The following TFEB variants were observed in gnomAD, a reference collection of about 807,000 sequenced individuals.
TFEB encodes T-cell transcription factor EB.
In TFEB, 12 loss-of-function variants were observed where a neutral mutation model predicts 48.0. The ratio of observed to expected loss-of-function variants is 0.25; its 90% CI spans 0.16 to 0.40. The LOEUF (loss-of-function observed/expected upper bound fraction) is 0.40, where lower values mean the gene tolerates loss of function less well. Ranked by LOEUF, TFEB falls within the 10% of genes least tolerant of loss-of-function variation. The pLI, the probability that TFEB is intolerant of heterozygous loss-of-function variation, is 1.00. For synonymous variants in TFEB, 244 were observed against 261.4 expected (o/e 0.93, Z 0.64); for missense variants, 509 against 640.3 (o/e 0.79, Z 2.21).
At chr6:41,729,799 C>T (rs531651166) in intron 1 of TFEB, among the ~76,000 whole-genome samples, 14 of 152,306 alleles carry the variant, frequency 9.2e-5, no homozygotes, top group African/African-American at 3.1e-4. Flanking sequence ...TGGTCCATGC[C>T]CCTGGCGACC....
chr6:41,716,823 C>T (rs1770755550), intron 1 of TFEB, among the ~76,000 whole-genome samples: 1 of 152,230 alleles, frequency 6.6e-6, no homozygotes, highest in Non-Finnish European at 1.5e-5. Flanking sequence ...ACCACCTCCT[C>T]CCACCTCACA....
intron 1 of TFEB, among the ~76,000 whole-genome samples, chr6:41,717,767 G>A (rs1336082085): frequency 1.3e-5 from 2 of 152,222 alleles, no homozygotes; most frequent in Non-Finnish European, 2.9e-5. Flanking sequence ...AGAAGGAAGA[G>A]GAAGAGGTAT....
intron 1 of TFEB, among the ~76,000 whole-genome samples, chr6:41,695,413 T>C (rs1769525440): frequency 6.6e-6 from 1 of 152,242 alleles, no homozygotes; most frequent in African/African-American, 2.4e-5. Flanking sequence ...TCGTGAATGA[T>C]TGCCATGGGT....
chr6:41,702,706 G>C (rs1410891502), intron 1 of TFEB, among the ~76,000 whole-genome samples: 3 of 152,174 alleles, frequency 2.0e-5, no homozygotes, highest in African/African-American at 7.2e-5. Context: ...TGGACTTGGG[G>C]CCCACAAGCT....
In TFEB at chr6:41,684,983, C is replaced by T; in HGVS notation, c.1047G>A (p.Glu349=). 6.4e-7 allele frequency: 1 copy of T among 1,572,116 alleles called. No homozygotes were observed. Among genetic ancestry groups the T allele is most frequent in the Non-Finnish European group, 8.6e-7 (1 of 1,159,062 alleles). ...CCCCTGGGCCCTCTTCGCTAGGCAG[C>T]TCCTGCTTCACCACCTGCTGGGCCA... ...AELAQQVVKQ[E]LPSEEGPGEA... is the part of the protein sequence containing the mutation. Residue 349 remains glutamate, a synonymous_variant, in exon 9 of 9, where the codon GAG becomes GAA. Transcript: ENST00000373033.
chr6:41,726,529 C>T (rs548269163), intron 1 of TFEB, among the ~76,000 whole-genome samples: 2 of 152,118 alleles, frequency 1.3e-5, no homozygotes, highest in Admixed American at 1.3e-4. Flanking sequence ...CTGCAACCTC[C>T]ACCTCCCAGG....
chr6:41,696,139 T>C (rs1351141436), intron 1 of TFEB, among the ~76,000 whole-genome samples: 1 of 152,182 alleles, frequency 6.6e-6, no homozygotes, highest in Non-Finnish European at 1.5e-5. Flanking sequence ...TGCAGTGCCC[T>C]CAAACTATTG....
intron 1 of TFEB, among the ~76,000 whole-genome samples, chr6:41,708,917 A>G (rs1770357916): frequency 6.6e-6 from 1 of 152,214 alleles, no homozygotes; most frequent in Admixed American, 6.5e-5. Context: ...GCGGAAGGTT[A>G]AGACTGCCCT....
intron 1 of TFEB, among the ~76,000 whole-genome samples, chr6:41,699,031 G>A (rs1442422010): frequency 6.6e-6 from 1 of 152,232 alleles, no homozygotes; most frequent in South Asian, 2.1e-4. Context: ...CGACTCCCAG[G>A]AGCCAGCAGT....
At position 41,684,876 on chromosome 6, in the gene TFEB, G is replaced by A. The variant is rs367953835; in HGVS notation, c.1154C>T (p.Thr385Ile). 7 of 1,570,086 alleles carry A rather than the reference G, an allele frequency of 4.5e-6. No homozygotes were observed. Among genetic ancestry groups the A allele is most frequent in the Non-Finnish European group, 4.3e-6 (5 of 1,156,392 alleles). Residue 385 changes from threonine to isoleucine, a missense_variant, in exon 9 of 9, where the codon ACC becomes ATC. Thr to Ile is a moderately conservative substitution (Grantham distance 89). Coordinates refer to ENST00000373033, the MANE Select transcript of TFEB (RefSeq NM_001271944.2). The stretch of plus-strand genomic sequence containing the variant: ...GTGATGGAATGGGGATGGTGGCTGG[G>A]TGGGCAGGGGCAGCGGGGCTTGCGG... ...LPPQAPLPLP[T>I]QPPSPFHHLD...
Position 41,710,479 on chromosome 6 carries a change from C to T in TFEB, c.-22-19244G>A, listed in dbSNP as rs185193056. On this transcript the variant is annotated intron_variant, in intron 1 of 8. Transcript: ENST00000373033. ...CAGGGATTTGGGACAGGGGTAACTA[C>T]GGATCAGAAAGAAGAGGCTGAAGAG... Among the ~76,000 whole-genome samples the T allele has an allele frequency of 1.7e-3, 254 of 152,236 alleles. 2 individuals carry two copies. Among genetic ancestry groups the T allele is most frequent in the African/African-American group, 5.8e-3 (239 of 41,534 alleles).
intron 1 of TFEB, among the ~76,000 whole-genome samples, chr6:41,708,472 C>T (rs1168814175): frequency 6.6e-6 from 1 of 152,256 alleles, no homozygotes; most frequent in Non-Finnish European, 1.5e-5. Context: ...TTCCCCACCA[C>T]CTCTTAGCCA....
At chr6:41,732,660 C>T in intron 1 of TFEB, 1 of 985,896 alleles carries the variant, frequency 1.0e-6, no homozygotes, top group Non-Finnish European at 1.2e-6. Flanking sequence ...ATGTACCAGG[C>T]ACTGCCGCAC....
At chr6:41,703,228 A>G (rs1447990395) in intron 1 of TFEB, among the ~76,000 whole-genome samples, 1 of 152,206 alleles carries the variant, frequency 6.6e-6, no homozygotes, top group Non-Finnish European at 1.5e-5. Flanking sequence ...AGGCAGGCAC[A>G]ACGACCACAG....
At chr6:41,704,721 A>T (rs1041158784) in intron 1 of TFEB, among the ~76,000 whole-genome samples, 3 of 152,204 alleles carry the variant, frequency 2.0e-5, no homozygotes, top group Admixed American at 6.5e-5. Flanking sequence ...CCAAGCATGA[A>T]AATTGGTGGC....
At chr6:41,685,141 C>T (rs1768932771) in intron 8 of TFEB, 63 bp from the exon 9 acceptor site, 4 of 1,379,694 alleles carry the variant, frequency 2.9e-6, no homozygotes. Flanking sequence ...CAGGACCCCT[C>T]CCCTGGGCCT....
intron 1 of TFEB, among the ~76,000 whole-genome samples, chr6:41,718,507 C>G (rs1770835960): frequency 6.6e-6 from 1 of 152,040 alleles, no homozygotes; most frequent in African/African-American, 2.4e-5. Context: ...CCACACCCAG[C>G]CTAGAACATT....
intron 6 of TFEB, 69 bp from the exon 7 acceptor site, chr6:41,687,238 C>T (rs1309720603): frequency 4.6e-6 from 7 of 1,513,542 alleles, no homozygotes; most frequent in Admixed American, 3.4e-5. Context: ...GGGAGAAGTA[C>T]CCAGCCCAGG....
At chr6:41,722,040 G>A (rs950995419) in intron 1 of TFEB, among the ~76,000 whole-genome samples, 3 of 152,182 alleles carry the variant, frequency 2.0e-5, no homozygotes, top group African/African-American at 7.2e-5. Flanking sequence ...GTGCAGTGGT[G>A]CAATGTAGGC....
Sources: gnomAD v4.1 joint callset for allele counts (sites outside exome capture counted in the v4.1 genomes callset) on GRCh38, gnomAD v4.1.1 for gene constraint, MANE v1.5 for transcripts, NCBI Gene and HGNC (gene_info 2026-07-23, HGNC 2026-07-21) for gene names.